The following HOOK3 variants were observed in gnomAD, a reference collection of about 807,000 sequenced individuals.
HOOK3 encodes hook microtubule tethering protein 3.
HOOK3 carries 24 observed loss-of-function variants against 116.3 expected under a neutral mutation model. The observed-to-expected ratio is 0.21, with a 90% CI of 0.15 to 0.29. The LOEUF (loss-of-function observed/expected upper bound fraction) is 0.29, where lower values mean the gene tolerates loss of function less well. Ranked by LOEUF, HOOK3 falls within the 10% of genes least tolerant of loss-of-function variation. HOOK3 has a pLI of 1.00. For synonymous variants in HOOK3, 275 were observed against 283.0 expected, an observed-to-expected ratio of 0.97 and a Z score of 0.28; for missense variants, 632 against 830.2, an observed-to-expected ratio of 0.76 and a Z score of 2.93.
At chr8:42,988,543 C>T (rs535254818) in intron 15 of HOOK3, among the ~76,000 whole-genome samples, 2 of 152,266 alleles carry the variant, frequency 1.3e-5, no homozygotes, top group South Asian at 2.1e-4. Flanking sequence ...TGTGACTTAC[C>T]GCTGGTACAA....
intron 4 of HOOK3, among the ~76,000 whole-genome samples, chr8:42,936,746 GA>G (rs1253642219): frequency 6.6e-6 from 1 of 152,198 alleles, no homozygotes; most frequent in Non-Finnish European, 1.5e-5. Flanking sequence ...AAGCCAACTT[GA>G]TGGTGGTGGA....
At chr8:42,978,324 A>C (rs1247389289) in intron 13 of HOOK3, among the ~76,000 whole-genome samples, 1 of 151,224 alleles carries the variant, frequency 6.6e-6, no homozygotes, top group African/African-American at 2.4e-5. Context: ...CCTTGCTGCA[A>C]CCTCTGCCTA....
chr8:42,900,681 A>T (rs1586581708), intron 1 of HOOK3, among the ~76,000 whole-genome samples: 1 of 152,264 alleles, frequency 6.6e-6, no homozygotes, highest in Non-Finnish European at 1.5e-5. Flanking sequence ...ATAAGAGTAC[A>T]TACAGGTTCT....
At chr8:42,942,230 C>T (rs543667199) in intron 4 of HOOK3, among the ~76,000 whole-genome samples, 22 of 152,214 alleles carry the variant, frequency 1.4e-4, no homozygotes, top group African/African-American at 5.3e-4. Flanking sequence ...CCAGCCTGGG[C>T]AACAAGAGTG....
intron 2 of HOOK3, among the ~76,000 whole-genome samples, chr8:42,910,937 A>G (rs186629040): frequency 1.4e-4 from 21 of 152,338 alleles, no homozygotes; most frequent in African/African-American, 5.1e-4. Flanking sequence ...GGTCATGAAC[A>G]TTTTACCTGA....
At chr8:42,958,023 G>A (rs1229810641) in intron 7 of HOOK3, among the ~76,000 whole-genome samples, 2 of 151,830 alleles carry the variant, frequency 1.3e-5, no homozygotes, top group African/African-American at 2.4e-5. Context: ...TAGTAGAGAC[G>A]GGGTTTCACC....
At chr8:42,918,583 A>G (rs988943700) in intron 2 of HOOK3, among the ~76,000 whole-genome samples, 4 of 152,152 alleles carry the variant, frequency 2.6e-5, no homozygotes, top group African/African-American at 4.8e-5. Flanking sequence ...CGCCTTCCGC[A>G]GTGTTTGTGT....
intron 5 of HOOK3, among the ~76,000 whole-genome samples, chr8:42,944,830 AT>A (rs1246905862): frequency 6.6e-6 from 1 of 152,218 alleles, no homozygotes; most frequent in Non-Finnish European, 1.5e-5. Context: ...GAAAAAAAAA[AT>A]AATAAAATAA....
intron 5 of HOOK3, among the ~76,000 whole-genome samples, chr8:42,949,069 C>T (rs1808290192): frequency 6.6e-6 from 1 of 152,168 alleles, no homozygotes; most frequent in African/African-American, 2.4e-5. Flanking sequence ...TTACAGTTGT[C>T]ATTTCAAATA....
At chr8:42,957,070 T>C (rs886565609) in intron 6 of HOOK3, 24 bp from the exon 7 acceptor site, 4 of 1,481,652 alleles carry the variant, frequency 2.7e-6, no homozygotes, top group Non-Finnish European at 3.7e-6. Context: ...CTCATAGTTA[T>C]AATCATTTAA....
intron 4 of HOOK3, among the ~76,000 whole-genome samples, chr8:42,941,317 C>G (rs1808117087): frequency 6.7e-6 from 1 of 149,810 alleles, no homozygotes; most frequent in African/African-American, 2.4e-5. Context: ...AGATCTAGAC[C>G]ATCCTGGCTA....
Position 43,019,585 on chromosome 8 carries a change from T to C in HOOK3, c.*1087T>C, listed in dbSNP as rs2130498198. 4.9e-6 allele frequency: 1 copy of C among 203,006 alleles called. No individual in the cohort carries two copies. The highest frequency in any genetic ancestry group is 7.7e-5 in the East Asian group (1 of 12,996). The allele number at this position is 203,006 out of a possible 1,614,324, so 12.6% of individuals were successfully genotyped here. ...TCACATCTATCTGCTAGTCCAGGAA[T>C]TTGTTACTAAATAGATTTTCTTGGA... is the stretch of plus-strand genomic sequence containing the variant. On this transcript the variant is annotated 3_prime_UTR_variant, in exon 22 of 22. Transcript: ENST00000307602.
chr8:42,983,265 C>T (rs916223742), intron 14 of HOOK3, among the ~76,000 whole-genome samples: 3 of 148,194 alleles, frequency 2.0e-5, no homozygotes, highest in Admixed American at 6.9e-5. Context: ...ACTCAGGAGG[C>T]GTAGCTTGCA....
intron 14 of HOOK3, among the ~76,000 whole-genome samples, chr8:42,986,434 T>A (rs1229576884): frequency 6.6e-6 from 1 of 152,198 alleles, no homozygotes; most frequent in East Asian, 1.9e-4. Flanking sequence ...CAAATCATGA[T>A]ATTTAGAGAC....
chr8:42,897,239 C>T, intron 1 of HOOK3, 51 bp downstream of exon 1: 1 of 1,174,006 alleles, frequency 8.5e-7, no homozygotes, highest in Non-Finnish European at 1.1e-6. Flanking sequence ...CCGCCACCTA[C>T]CGGGACCCTC....
chr8:42,990,081 C>T (rs1809128618), intron 15 of HOOK3, among the ~76,000 whole-genome samples: 1 of 151,634 alleles, frequency 6.6e-6, no homozygotes, highest in Non-Finnish European at 1.5e-5. Flanking sequence ...ACTGTAGACT[C>T]AACCTCCCAG....
chr8:42,960,828 T>C (rs773219477), intron 8 of HOOK3, among the ~76,000 whole-genome samples: 6 of 152,214 alleles, frequency 3.9e-5, no homozygotes, highest in East Asian at 1.9e-4. Context: ...CAGTCTTTTT[T>C]GTTGTTCTTA....
chr8:42,976,605 T>C (rs547048459), intron 13 of HOOK3, among the ~76,000 whole-genome samples: 1 of 152,180 alleles, frequency 6.6e-6, no homozygotes, highest in African/African-American at 2.4e-5. Context: ...TGTATAAGAA[T>C]GGTGTTTCTT....
chr8:42,904,964 C>T (rs578178553), intron 1 of HOOK3, among the ~76,000 whole-genome samples: 5 of 152,268 alleles, frequency 3.3e-5, no homozygotes, highest in Non-Finnish European at 5.9e-5. Context: ...GATTGATTTC[C>T]GTCTAAATCC....
Sources: allele counts gnomAD v4.1 joint callset (sites outside exome capture counted in the v4.1 genomes callset), GRCh38; gene constraint gnomAD v4.1.1; transcripts MANE v1.5; gene names NCBI Gene and HGNC (gene_info 2026-07-23, HGNC 2026-07-21).